Variants in TSC2 observed in about 807,000 individuals in gnomAD.
TSC2 encodes the protein TSC complex subunit 2, also known as tuberin.
TSC2 carries 29 observed loss-of-function variants against 202.2 expected under a neutral mutation model. The observed-to-expected ratio is 0.14, with a 90% CI of 0.11 to 0.20. The LOEUF (loss-of-function observed/expected upper bound fraction) is 0.20, where lower values mean the gene tolerates loss of function less well. Among genes scored for constraint, TSC2 ranks in the 10% least tolerant of loss-of-function variants. The pLI, the probability that TSC2 is intolerant of heterozygous loss-of-function variation, is 1.00. For missense variants in TSC2, 2,429 were observed against 2,420.0 expected (o/e 1.00, Z -0.08); for synonymous variants, 1,349 against 1,044.0 (o/e 1.29, Z -5.63).
chr16:2,077,834 C>T, intron 26 of TSC2, 108 bp downstream of exon 26: 2 of 1,567,640 alleles, frequency 1.3e-6, no homozygotes, highest in South Asian at 1.1e-5. Flanking sequence ...TGCCCGTGTC[C>T]TCCCTGGCCA....
chr16:2,053,617 T>C (rs1452429790), intron 4 of TSC2, 165 bp downstream of exon 4: 1 of 731,630 alleles, frequency 1.4e-6, no homozygotes, highest in African/African-American at 1.7e-5. Flanking sequence ...CCTGGTGTCA[T>C]GAGGTCTGTG....
At chr16:2,060,608 G>T (rs2086505579) in intron 10 of TSC2, 62 bp from the exon 11 acceptor site, 1 of 1,612,412 alleles carries the variant, frequency 6.2e-7, no homozygotes, top group East Asian at 2.2e-5. Flanking sequence ...GGGTGACTGG[G>T]AGGGCGTCCC....
At position 2,056,253 on chromosome 16, in the gene TSC2, C is replaced by T. The variant is rs756588732; in HGVS notation, c.648+9C>T. ...CCTCTGTGGACATAGAGGTCAGTGC[C>T]TCCCCTCCCCAGGGCCGGCCCATTT... On this transcript the variant is annotated intron_variant, in intron 7 of 41. Transcript: ENST00000219476. 7.4e-6 allele frequency: 12 copies of T among 1,614,014 alleles called. No individual in the cohort carries two copies. The highest frequency in any genetic ancestry group is 6.7e-5 in the Admixed American group (4 of 60,022).
At chr16:2,063,647 C>T (rs1054287496) in intron 14 of TSC2, 2 of 223,416 alleles carry the variant, frequency 9.0e-6, no homozygotes, top group African/African-American at 4.6e-5. Context: ...GCCCACTCTG[C>T]TCCTCTCCCC....
rs2086896889 is a variant in TSC2, at chr16:2,063,538, G to T, written c.1443+485G>T. ...TTGAGAGACATTTGTGTGCCTGCCA[G>T]TCATACCCCTTTCCCAGGAGGCGCA... On this transcript the variant is annotated intron_variant, in intron 14 of 41. Coordinates refer to ENST00000219476, the MANE Select transcript of TSC2 (RefSeq NM_000548.5). 11 of 268,264 alleles carry T rather than the reference G, an allele frequency of 4.1e-5. No homozygotes were observed. The South Asian group carries it at 4.5e-4, about 11-fold the overall frequency. The allele number at this position is 268,264 out of a possible 1,614,324, so 16.6% of individuals were successfully genotyped here.
chr16:2,051,156 T>C (rs1334712921), intron 3 of TSC2, among the ~76,000 whole-genome samples: 1 of 151,848 alleles, frequency 6.6e-6, no homozygotes, highest in Non-Finnish European at 1.5e-5. Flanking sequence ...AAACCCCGTC[T>C]GTACTAAAAG....
chr16:2,084,182 G>A lies in TSC2; in HGVS notation c.4006-46G>A, dbSNP rs199721718. 109 of 1,551,570 alleles carry A rather than the reference G, an allele frequency of 7.0e-5. No homozygotes were observed. The Admixed American group carries it at 7.4e-4, about 11-fold the overall frequency. ...CTCCAGGTCAACCCCAGGTGGGCTC[G>A]AGGGTGCCTGCTGACAGGGGTTCTC... On this transcript the variant is annotated intron_variant, in intron 33 of 41. Coordinates refer to ENST00000219476, the MANE Select transcript of TSC2 (RefSeq NM_000548.5).
intron 1 of TSC2, chr16:2,048,367 TGAGTA>T: frequency 1.2e-6 from 1 of 862,716 alleles, no homozygotes; most frequent in South Asian, 1.4e-5. Flanking sequence ...CGGCAGCGTC[TGAGTA>T]GAGAGCTCTC....
chr16:2,050,929 T>C (rs867729237), intron 3 of TSC2, among the ~76,000 whole-genome samples: 43 of 152,128 alleles, frequency 2.8e-4, no homozygotes, highest in African/African-American at 6.0e-4. Context: ...ATCGTAGTGA[T>C]GGGGAAGCTA....
rs373950550 is a variant in TSC2, at chr16:2,079,134, G to A, written c.3069G>A (p.Thr1023=). 30 of 1,612,952 alleles carry A rather than the reference G, an allele frequency of 1.9e-5. 1 individual carries two copies. Among genetic ancestry groups the A allele is most frequent in the Admixed American group, 1.5e-4 (9 of 60,006 alleles). Residue 1023 remains threonine (T), a synonymous_variant, in exon 27 of 42, where the codon ACG becomes ACA. Transcript: ENST00000219476. The surrounding 1 kb of genome is among the most constrained non-coding windows in gnomAD (Gnocchi z 4.6). ...DSLKNLHLEL[T]ETCLDMMARY... ...TGAAAAACCTCCACCTGGAGCTCACGGAAACCTGTCTGGACATGATGGCTC... is the reference window on the plus strand; with the variant it reads ...TGAAAAACCTCCACCTGGAGCTCACAGAAACCTGTCTGGACATGATGGCTC...
At chr16:2,080,043 C>T (rs896453527) in intron 29 of TSC2, 122 bp from the exon 30 acceptor site, 4 of 1,353,438 alleles carry the variant, frequency 3.0e-6, no homozygotes, top group Non-Finnish European at 4.2e-6. Flanking sequence ...AAGGGCAGAG[C>T]TGCCACCGTC....
intron 26 of TSC2, 36 bp downstream of exon 26, chr16:2,077,762 G>A: frequency 6.2e-7 from 1 of 1,608,840 alleles, no homozygotes; most frequent in Non-Finnish European, 8.5e-7. Context: ...ACGGACCCTG[G>A]AGCTTGGCCC....
rs1367824409 is a variant in TSC2 at position 2,074,627 on chromosome 16, T to C, written c.2545+238T>C. On this transcript the variant is annotated intron_variant, in intron 22 of 41. Transcript: ENST00000219476. ...GAACGCTCCTCCTTGAAGAAGCCTC[T>C]TCCCCCCCGAGCAGTGGCCCTCCCC... 3 of 586,510 alleles carry C rather than the reference T, an allele frequency of 5.1e-6. No individual in the cohort carries two copies. The East Asian group carries it at 8.8e-5, about 17-fold the overall frequency. The allele number at this position is 586,510 out of a possible 1,614,324, so 36.3% of individuals were successfully genotyped here. A position where few individuals can be genotyped will look rare whatever the true frequency, so the allele number is the denominator to read the frequency against.
At chr16:2,066,688 C>T (rs952597362) in intron 16 of TSC2, among the ~76,000 whole-genome samples, 1 of 132,126 alleles carries the variant, frequency 7.6e-6, no homozygotes, top group East Asian at 2.4e-4. Context: ...TACAGTCTCA[C>T]TCTGTCGCCC....
intron 37 of TSC2, 33 bp downstream of exon 37, chr16:2,086,412 C>G (rs1284714275): frequency 1.2e-6 from 2 of 1,604,898 alleles, no homozygotes; most frequent in African/African-American, 1.3e-5. Context: ...TCCTGCTGCC[C>G]CAGGCCTCAG....
At position 2,049,971 on chromosome 16, in the gene TSC2, T is replaced by G. The variant is rs1229556887; in HGVS notation, c.139-429T>G. On this transcript the variant is annotated intron_variant, in intron 2 of 41. Transcript: ENST00000219476. Reference sequence around the variant, plus strand: ...AGTAAATCTTTTTTTTTTTTTTTTTTTGAGACCGAGTTTCGCTCTTGTCAC... The same window carrying G: ...AGTAAATCTTTTTTTTTTTTTTTTTGTGAGACCGAGTTTCGCTCTTGTCAC... Among the ~76,000 whole-genome samples, 6 of 151,460 alleles carry G rather than the reference T, an allele frequency of 4.0e-5. No homozygotes were observed. The East Asian group carries it at 1.2e-3, about 29-fold the overall frequency.
intron 11 of TSC2, 109 bp downstream of exon 11, chr16:2,060,922 T>C: frequency 7.3e-7 from 1 of 1,360,992 alleles, no homozygotes; most frequent in Admixed American, 2.0e-5. Flanking sequence ...CCGCAGAGAC[T>C]GCCAGAACCG....
intron 30 of TSC2, 80 bp downstream of exon 30, chr16:2,080,457 C>T: frequency 6.6e-7 from 1 of 1,506,682 alleles, no homozygotes. Context: ...CGATTGCAGA[C>T]TTGGCCCTCT....
Position 2,054,447 on chromosome 16 carries a change from G to A in TSC2, c.481+7G>A, listed in dbSNP as rs752730339. ...TACTTGGAGGAAGAGCTGGGTGGGTGCCACCTTGGGTTGGAGGTTTCTCTG... is the reference window on the plus strand; with the variant it reads ...TACTTGGAGGAAGAGCTGGGTGGGTACCACCTTGGGTTGGAGGTTTCTCTG... On this transcript the variant is annotated splice_region_variant and intron_variant, in intron 5 of 41. Coordinates refer to ENST00000219476, the MANE Select transcript of TSC2 (RefSeq NM_000548.5). 1.9e-6 allele frequency: 3 copies of A among 1,614,114 alleles called. No homozygotes were observed. The highest frequency in any genetic ancestry group is 2.2e-5 in the South Asian group (2 of 91,080).
Sources: allele counts gnomAD v4.1 joint callset (sites outside exome capture counted in the v4.1 genomes callset), GRCh38; gene constraint gnomAD v4.1.1; non-coding constraint Gnocchi (gnomAD v3.1); transcripts MANE v1.5; gene names NCBI Gene and HGNC (gene_info 2026-07-23, HGNC 2026-07-21).